DCAKD: variants seen among roughly 807,000 people sequenced by gnomAD.
DCAKD encodes dephospho-CoA kinase domain-containing protein.
Under a neutral mutation model 18.7 loss-of-function variants are expected in DCAKD, and 15 were observed. The ratio of observed to expected loss-of-function variants is 0.80; its 90% CI spans 0.54 to 1.24. DCAKD has a LOEUF of 1.24. DCAKD is among the 50% of genes most tolerant of loss of function. The pLI, the probability that DCAKD is intolerant of heterozygous loss-of-function variation, is 0.00. For synonymous variants in DCAKD, 130 were observed against 133.0 expected, an observed-to-expected ratio of 0.98 and a Z score of 0.16; for missense variants, 301 against 322.0, an observed-to-expected ratio of 0.93 and a Z score of 0.50.
At chr17:45,031,854 G>C in intron 3 of DCAKD, 1 of 985,430 alleles carries the variant, frequency 1.0e-6, no homozygotes, top group Non-Finnish European at 1.2e-6. Context: ...CTTATCTGAC[G>C]TTTGATTATA....
chr17:45,040,682 C>T lies in DCAKD; in HGVS notation c.-114-5683G>A, dbSNP rs112883726. On this transcript the variant is annotated intron_variant, in intron 1 of 4. Coordinates refer to ENST00000651974, the MANE Select transcript of DCAKD (RefSeq NM_001288655.2). ...GCCACACCCCATCCTTTCTTTCCCT[C>T]ATTCTCCATGTCAGTGAAAGGCAGC... is the stretch of plus-strand genomic sequence containing the variant. Among the ~76,000 whole-genome samples, 256 of 152,282 alleles carry T rather than the reference C, an allele frequency of 1.7e-3. 1 individual carries two copies. Among genetic ancestry groups the T allele is most frequent in the African/African-American group, 5.8e-3 (241 of 41,572 alleles).
At chr17:45,054,243 C>G (rs1395078224), upstream of DCAKD, 5 of 457,616 alleles carry the variant, frequency 1.1e-5, no homozygotes, top group South Asian at 6.3e-5. Context: ...CCACTCAAGA[C>G]AGTTTTATTT....
intron 1 of DCAKD, among the ~76,000 whole-genome samples, chr17:45,058,341 C>T (rs1332860653): frequency 1.3e-5 from 2 of 151,986 alleles, no homozygotes; most frequent in East Asian, 3.9e-4. Flanking sequence ...AAATAACACA[C>T]AAAATATCTT....
intron 2 of DCAKD, 73 bp from the exon 3 acceptor site, chr17:45,034,463 G>A (rs1272784724): frequency 2.6e-6 from 4 of 1,534,140 alleles, no homozygotes; most frequent in South Asian, 1.1e-5. Flanking sequence ...GTGACCAGGG[G>A]CAAAATGATG....
chr17:45,049,713 CTTTTTTT>C (rs57106886), intron 1 of DCAKD, among the ~76,000 whole-genome samples: 29,771 of 111,932 alleles, frequency 0.27, 3,274 homozygotes, highest in African/African-American at 0.37. Context: ...TTTTCTTTTC[CTTTTTTT>C]TTTTTTTTTT....
In DCAKD at chr17:45,061,036, C is replaced by G. The variant is rs888233321; in HGVS notation, c.-266G>C. The G allele has an allele frequency of 2.5e-6, 3 of 1,187,808 alleles. No homozygotes were observed. In the African/African-American group the frequency reaches 4.7e-5, roughly 19 times the overall value. 73.6% of individuals were successfully genotyped at this position (1,187,808 alleles called of 1,614,324 possible). A position where few individuals can be genotyped will look rare whatever the true frequency, so the allele number is the denominator to read the frequency against. ...CATCGAACTACAACTCCCATCATGC[C>G]AGGCGGCCGCCCGGTTCCCAAGGGT... On this transcript the variant is annotated 5_prime_UTR_variant, in exon 1 of 5. Coordinates refer to the DCAKD transcript ENST00000310604.
chr17:45,023,457 C>G lies in DCAKD; in HGVS notation c.*976G>C, dbSNP rs973284772. 1 of 152,108 alleles carries G rather than the reference C, an allele frequency of 6.6e-6. No homozygotes were observed. Among genetic ancestry groups the G allele is most frequent in the Non-Finnish European group, 1.5e-5 (1 of 68,046 alleles). The allele number at this position is 152,108 out of a possible 1,614,324, so 9.4% of individuals were successfully genotyped here. Reference sequence around the variant, plus strand: ...ACTGTCCCTGTCCCTAGAGGGCTTACAGTCTAGTAGGAAAAACCAGGCAAG... The same window carrying G: ...ACTGTCCCTGTCCCTAGAGGGCTTAGAGTCTAGTAGGAAAAACCAGGCAAG... On this transcript the variant is annotated 3_prime_UTR_variant, in exon 5 of 5. Transcript: ENST00000651974.
chr17:45,041,990 T>C (rs918949988), intron 1 of DCAKD, among the ~76,000 whole-genome samples: 1 of 150,654 alleles, frequency 6.6e-6, no homozygotes, highest in Non-Finnish European at 1.5e-5. Flanking sequence ...ATGGCATATG[T>C]CTGTAGTCTC....
chr17:45,041,442 C>T (rs993354642), intron 1 of DCAKD, among the ~76,000 whole-genome samples: 3 of 152,096 alleles, frequency 2.0e-5, no homozygotes, highest in African/African-American at 7.2e-5. Context: ...TCCCAAGCAG[C>T]TGAGGCTACA....
intron 3 of DCAKD, 62 bp from the exon 4 acceptor site, chr17:45,030,241 T>G: frequency 1.3e-6 from 2 of 1,482,288 alleles, no homozygotes; most frequent in Non-Finnish European, 1.9e-6. Context: ...GGACTGATGA[T>G]ATGCTGGGCC....
At chr17:45,044,467 G>A (rs925541951) in intron 1 of DCAKD, among the ~76,000 whole-genome samples, 3 of 152,106 alleles carry the variant, frequency 2.0e-5, no homozygotes, top group African/African-American at 4.8e-5. Flanking sequence ...TGAGGCAGGC[G>A]GGTCACCTGA....
Position 45,050,324 on chromosome 17 carries a change from G to C in DCAKD, c.-115+1037C>G, listed in dbSNP as rs149805609. On this transcript the variant is annotated intron_variant, in intron 1 of 4. Transcript: ENST00000651974. Reference sequence around the variant, plus strand: ...CTACCAAAGCGCTGGGATTACAGGCGTGAGCCACCGTGCCCGGCCCAGAGG... The same window carrying C: ...CTACCAAAGCGCTGGGATTACAGGCCTGAGCCACCGTGCCCGGCCCAGAGG... 4.0e-3 allele frequency among the ~76,000 whole-genome samples: 603 copies of C among 152,212 alleles called. 5 individuals carry two copies. The highest frequency in any genetic ancestry group is 0.014 in the African/African-American group (569 of 41,484).
At chr17:45,059,860 C>T (rs1471809639) in intron 1 of DCAKD, among the ~76,000 whole-genome samples, 1 of 152,144 alleles carries the variant, frequency 6.6e-6, no homozygotes, top group African/African-American at 2.4e-5. Flanking sequence ...AATCCCAGCA[C>T]TTTGGGAGGC....
At chr17:45,029,138 C>T (rs958164528) in intron 4 of DCAKD, among the ~76,000 whole-genome samples, 4 of 152,248 alleles carry the variant, frequency 2.6e-5, no homozygotes, top group Non-Finnish European at 4.4e-5. Context: ...GAATGAAGAA[C>T]CCAAAGAGGC....
chr17:45,048,660 G>C (rs1426725482), intron 1 of DCAKD, among the ~76,000 whole-genome samples: 1 of 149,366 alleles, frequency 6.7e-6, no homozygotes, highest in Non-Finnish European at 1.5e-5. Flanking sequence ...ACAAAAATTA[G>C]CCAGGCGTGG....
At chr17:45,024,972 C>G (rs1316834883) in intron 4 of DCAKD, among the ~76,000 whole-genome samples, 1 of 151,586 alleles carries the variant, frequency 6.6e-6, no homozygotes, top group Non-Finnish European at 1.5e-5. Flanking sequence ...TACGGAAGCC[C>G]CTTAATACAA....
intron 1 of DCAKD, among the ~76,000 whole-genome samples, chr17:45,047,577 C>T (rs1052316992): frequency 2.1e-5 from 3 of 145,748 alleles, no homozygotes; most frequent in Non-Finnish European, 4.5e-5. Context: ...GCGATCTTGG[C>T]TCACTGCAAC....
At chr17:45,035,194 A>T in intron 1 of DCAKD, 195 bp from the exon 2 acceptor site, 1 of 313,994 alleles carries the variant, frequency 3.2e-6, no homozygotes, top group South Asian at 2.9e-5. Context: ...AAAGAAGGCA[A>T]ATGTGGCCAG....
chr17:45,044,398 G>C (rs879319594), intron 1 of DCAKD, among the ~76,000 whole-genome samples: 15 of 152,192 alleles, frequency 9.9e-5, no homozygotes, highest in Admixed American at 9.8e-4. Flanking sequence ...CACCTTAAAA[G>C]CTGTGGCAAG....
Sources: allele counts gnomAD v4.1 joint callset (sites outside exome capture counted in the v4.1 genomes callset), GRCh38; gene constraint gnomAD v4.1.1; transcripts MANE v1.5; gene names NCBI Gene and HGNC (gene_info 2026-07-23, HGNC 2026-07-21).